The following P2RY8 variants were observed in gnomAD, a reference collection of about 807,000 sequenced individuals.
P2RY8 encodes S-geranylgeranyl-glutathione receptor P2RY8.
Under a neutral mutation model 10.0 loss-of-function variants are expected in P2RY8, and 6 were observed. That is an observed-to-expected ratio of 0.60 (90% CI 0.33 to 1.19). The LOEUF is 1.19. Among genes scored for constraint, P2RY8 ranks in the 50% most tolerant of loss-of-function variants. The probability of loss-of-function intolerance (pLI) is 0.04; values close to 1 mark genes in which losing one functional copy is unlikely to be tolerated. For missense variants in P2RY8, 456 were observed against 542.0 expected (o/e 0.84, Z 1.58); for synonymous variants, 276 against 252.5 (o/e 1.09, Z -0.88).
At chrX:1,519,468 G>A (rs2092375375) in intron 1 of P2RY8, among the ~76,000 whole-genome samples, 1 of 149,740 alleles carries the variant, frequency 6.7e-6, no homozygotes. Context: ...TATTCTCTCT[G>A]GTTCCCAATA....
intron 1 of P2RY8, among the ~76,000 whole-genome samples, chrX:1,522,085 T>G (rs2092396953): frequency 6.6e-6 from 1 of 150,936 alleles, no homozygotes; most frequent in Non-Finnish European, 1.5e-5. Context: ...CCCGAGTAGC[T>G]GGGATTACAG....
At chrX:1,508,687 A>ATCCG (rs2092257232) in intron 1 of P2RY8, among the ~76,000 whole-genome samples, 1 of 86,264 alleles carries the variant, frequency 1.2e-5, no homozygotes, top group Non-Finnish European at 2.6e-5. Context: ...TCCATCATCC[A>ATCCG]TCCATCCATC....
At chrX:1,523,031 T>A (rs757020929) in intron 1 of P2RY8, among the ~76,000 whole-genome samples, 2 of 150,020 alleles carry the variant, frequency 1.3e-5, no homozygotes, top group South Asian at 4.2e-4. Flanking sequence ...ATTGCACTAC[T>A]GCACTCCAGC....
intron 1 of P2RY8, among the ~76,000 whole-genome samples, chrX:1,481,168 T>C (rs2091930756): frequency 1.7e-5 from 2 of 115,374 alleles, no homozygotes; most frequent in Non-Finnish European, 3.7e-5. Flanking sequence ...CAGCACGCAA[T>C]ACATTTTTTT....
intron 1 of P2RY8, among the ~76,000 whole-genome samples, chrX:1,490,539 A>G (rs2092035232): frequency 6.9e-6 from 1 of 145,668 alleles, no homozygotes. Flanking sequence ...AATGAATGAT[A>G]CCCCGGATTC....
chrX:1,493,649 G>A lies in P2RY8; in HGVS notation c.-24-27067C>T, dbSNP rs188998462. Among the ~76,000 whole-genome samples, 326 of 152,274 alleles carry A rather than the reference G, an allele frequency of 2.1e-3. 1 individual carries two copies. The highest frequency in any genetic ancestry group is 4.6e-3 in the Admixed American group (70 of 15,296). On this transcript the variant is annotated intron_variant, in intron 1 of 1. Coordinates refer to ENST00000381297, the MANE Select transcript of P2RY8 (RefSeq NM_178129.5). Reference sequence around the variant, plus strand: ...AGGTGTGAAGAAGATTTCTGGGAGAGCGCATTTTAAAGAAGGTGGGACTTT... The same window carrying A: ...AGGTGTGAAGAAGATTTCTGGGAGAACGCATTTTAAAGAAGGTGGGACTTT...
At position 1,466,470 on chromosome X, in the gene P2RY8, T is replaced by A. The variant is rs1569536305; in HGVS notation, c.89A>T (p.Tyr30Phe). Residue 30 changes from tyrosine (Y) to phenylalanine (F), a missense_variant, in exon 2 of 2, where the codon TAC becomes TTC. By Grantham distance (22) the Tyr-to-Phe change is conservative. Coordinates refer to ENST00000381297, the MANE Select transcript of P2RY8 (RefSeq NM_178129.5). ...GATGCTGACCGCCGCCACCAGCGAG[T>A]ACACCACGGGCAGGGCCACCGCGAT... ...PAIAVALPVV[Y>F]SLVAAVSIPG... 6.2e-7 allele frequency: 1 copy of A among 1,611,850 alleles called. No homozygotes were observed.
intron 1 of P2RY8, among the ~76,000 whole-genome samples, chrX:1,477,851 G>T (rs2091892879): frequency 3.3e-5 from 5 of 152,180 alleles, no homozygotes; most frequent in Admixed American, 3.3e-4. Context: ...AGGCTTTCGG[G>T]GAGAGAAAAG....
chrX:1,510,070 T>C (rs2092287952), intron 1 of P2RY8, among the ~76,000 whole-genome samples: 1 of 152,144 alleles, frequency 6.6e-6, no homozygotes, highest in Non-Finnish European at 1.5e-5. Flanking sequence ...ATCTATCTCA[T>C]CTATCATCTT....
intron 1 of P2RY8, among the ~76,000 whole-genome samples, chrX:1,528,417 G>C (rs2092452578): frequency 6.6e-6 from 1 of 152,214 alleles, no homozygotes; most frequent in Non-Finnish European, 1.5e-5. Context: ...CCCTTGAGGA[G>C]GCCATCACAG....
intron 1 of P2RY8, among the ~76,000 whole-genome samples, chrX:1,531,060 G>GTCTA (rs1351395949): frequency 7.6e-6 from 1 of 131,590 alleles, no homozygotes; most frequent in Non-Finnish European, 1.7e-5. Flanking sequence ...CTATCTGTCT[G>GTCTA]TCTGTCTGTC....
At position 1,465,087 on chromosome X, in the gene P2RY8, C is replaced by T. The variant is rs1310485523; in HGVS notation, c.*392G>A. 1 of 278,750 alleles carries T rather than the reference C, an allele frequency of 3.6e-6. No homozygotes were observed. 17.3% of individuals were successfully genotyped at this position (278,750 alleles called of 1,614,324 possible). A position where few individuals can be genotyped will look rare whatever the true frequency, so the allele number is the denominator to read the frequency against. ...GCGGTGGGGCTGGTTGAATATCCAC[C>T]CTCGGGTATGGACAGGTGTGAGGAG... is the stretch of plus-strand genomic sequence containing the variant. On this transcript the variant is annotated 3_prime_UTR_variant, in exon 2 of 2. Coordinates refer to ENST00000381297, the MANE Select transcript of P2RY8 (RefSeq NM_178129.5).
intron 1 of P2RY8, among the ~76,000 whole-genome samples, chrX:1,506,043 A>C (rs2092229818): frequency 7.8e-6 from 1 of 128,250 alleles, no homozygotes; most frequent in South Asian, 2.5e-4. Flanking sequence ...CCCAGGCTGG[A>C]GTGCAGTGGC....
chrX:1,518,121 A>T (rs1397872916), intron 1 of P2RY8, among the ~76,000 whole-genome samples: 6 of 2,130 alleles, frequency 2.8e-3, no homozygotes, highest in Non-Finnish European at 6.4e-3. Context: ...AAAAAAAATA[A>T]AAAAATAAAT....
At chrX:1,530,199 T>C (rs1479302969) in intron 1 of P2RY8, among the ~76,000 whole-genome samples, 17 of 146,420 alleles carry the variant, frequency 1.2e-4, no homozygotes, top group African/African-American at 3.6e-4. Context: ...TATCTATCTA[T>C]CTATCTATCT....
intron 1 of P2RY8, among the ~76,000 whole-genome samples, chrX:1,509,091 G>GTATCTATCTATCTATC (rs1318714328): frequency 7.7e-6 from 1 of 129,806 alleles, no homozygotes; most frequent in Non-Finnish European, 1.7e-5. Flanking sequence ...ATCTATCTAT[G>GTATCTATCTATCTATC]TATCTATGTA....
chrX:1,484,898 TCTC>T (rs1476104747), intron 1 of P2RY8, among the ~76,000 whole-genome samples: 2 of 151,546 alleles, frequency 1.3e-5, no homozygotes, highest in East Asian at 1.9e-4. Flanking sequence ...ATGCACCAAT[TCTC>T]CTCCTAGGTA....
chrX:1,476,945 T>C (rs1355015899), intron 1 of P2RY8, among the ~76,000 whole-genome samples: 1 of 152,120 alleles, frequency 6.6e-6, no homozygotes, highest in East Asian at 1.9e-4. Flanking sequence ...TCTCAGCACT[T>C]TGGGAGGCCG....
chrX:1,523,728 C>T (rs1353524292), intron 1 of P2RY8, among the ~76,000 whole-genome samples: 1 of 152,114 alleles, frequency 6.6e-6, no homozygotes, highest in Non-Finnish European at 1.5e-5. Flanking sequence ...TGTCGTCCAG[C>T]CTGGAGTGCA....
Sources: allele counts gnomAD v4.1 joint callset (sites outside exome capture counted in the v4.1 genomes callset), GRCh38; gene constraint gnomAD v4.1.1; transcripts MANE v1.5; gene names NCBI Gene and HGNC (gene_info 2026-07-23, HGNC 2026-07-21).